The following PRKCH variants were observed in gnomAD, a reference collection of about 807,000 sequenced individuals.
The protein encoded by PRKCH is protein kinase C eta type.
In PRKCH, 28 loss-of-function variants were observed where a neutral mutation model predicts 82.5. The ratio of observed to expected loss-of-function variants is 0.34; its 90% confidence interval spans 0.25 to 0.47. The LOEUF (loss-of-function observed/expected upper bound fraction) is 0.47. PRKCH is among the 20% of genes least tolerant of loss of function. The pLI, the probability that PRKCH is intolerant of heterozygous loss-of-function variation, is 1.00. For synonymous variants in PRKCH, 322 were observed against 327.4 expected, an observed-to-expected ratio of 0.98 and a Z score of 0.18; for missense variants, 705 against 881.8, an observed-to-expected ratio of 0.80 and a Z score of 2.54.
intron 2 of PRKCH, among the ~76,000 whole-genome samples, chr14:61,407,742 A>G (rs147475063): frequency 2.0e-5 from 3 of 152,278 alleles, no homozygotes; most frequent in Non-Finnish European, 4.4e-5. Context: ...TACAGCCTTT[A>G]TAGAACCTTT....
chr14:61,265,160 C>T (rs894383503), intron 1 of PRKCH, among the ~76,000 whole-genome samples: 1 of 152,182 alleles, frequency 6.6e-6, no homozygotes, highest in East Asian at 1.9e-4. Flanking sequence ...TGAACCCTTG[C>T]AATTTTGACA....
chr14:61,433,618 C>T (rs886696566), intron 2 of PRKCH, among the ~76,000 whole-genome samples: 2 of 152,048 alleles, frequency 1.3e-5, no homozygotes, highest in Admixed American at 6.5e-5. Flanking sequence ...CCTGCTTTCA[C>T]GGGGATCATA....
intron 1 of PRKCH, among the ~76,000 whole-genome samples, chr14:61,258,713 A>T (rs139151673): frequency 2.2e-3 from 338 of 152,318 alleles, no homozygotes; most frequent in African/African-American, 7.3e-3. Context: ...TTGGACAAAT[A>T]TTATTATTAA....
At chr14:61,317,354 G>A (rs1363015540), upstream of PRKCH, among the ~76,000 whole-genome samples, 1 of 152,064 alleles carries the variant, frequency 6.6e-6, no homozygotes, top group Non-Finnish European at 1.5e-5. Flanking sequence ...ACCCTAACAG[G>A]CTTCCACTCA....
At chr14:61,355,000 T>C (rs530323390) in intron 1 of PRKCH, among the ~76,000 whole-genome samples, 1 of 152,348 alleles carries the variant, frequency 6.6e-6, no homozygotes, top group Non-Finnish European at 1.5e-5. Context: ...TGAATATGAT[T>C]CTTGCCTTGA....
At chr14:61,491,833 G>T (rs959414201) in intron 10 of PRKCH, among the ~76,000 whole-genome samples, 2 of 152,176 alleles carry the variant, frequency 1.3e-5, no homozygotes, top group Non-Finnish European at 2.9e-5. Context: ...AAAAATACTC[G>T]CCAGTGGAGG....
At chr14:61,250,758 G>C (rs897736503) in intron 1 of PRKCH, among the ~76,000 whole-genome samples, 1 of 152,080 alleles carries the variant, frequency 6.6e-6, no homozygotes, top group African/African-American at 2.4e-5. Flanking sequence ...TACCAATGTA[G>C]GTTCATCGAT....
Position 61,550,866 on chromosome 14 carries a change from G to T in PRKCH, c.*1035G>T, listed in dbSNP as rs1357704807. ...TGTTTGATATTCACTTTAATAATTA[G>T]AAATGGATCTTGTAAACAGGGCATA... is the stretch of plus-strand genomic sequence containing the variant. On this transcript the variant is annotated 3_prime_UTR_variant, in exon 14 of 14. Transcript: ENST00000332981. The T allele has an allele frequency of 1.3e-5, 2 of 152,168 alleles. No homozygotes were observed. The highest frequency in any genetic ancestry group is 2.9e-5 in the Non-Finnish European group (2 of 68,034). The allele number at this position is 152,168 out of a possible 1,614,324, so 9.4% of individuals were successfully genotyped here.
chr14:61,362,856 T>TGGATATTGGCACAGGGGATGC (rs2046247791), intron 1 of PRKCH, among the ~76,000 whole-genome samples: 1 of 152,194 alleles, frequency 6.6e-6, no homozygotes, highest in Non-Finnish European at 1.5e-5. Flanking sequence ...GAAGGGGATG[T>TGGATATTGGCACAGGGGATGC]GGACATTGGC....
At position 61,485,563 on chromosome 14, in the gene PRKCH, A is replaced by C. The variant is rs752292090; in HGVS notation, c.1340A>C (p.Lys447Thr). The change falls in exon 10 of 14, where the codon AAG becomes ACG. Residue 447 changes from lysine (K) to threonine (T), a missense_variant. Physicochemically the swap from Lys to Thr is moderately conservative, Grantham distance 78. This residue lies in a region of PRKCH where 238 missense variants were observed against 258.1 expected (regional missense o/e 0.92). Coordinates refer to ENST00000332981, the MANE Select transcript of PRKCH (RefSeq NM_006255.5). ...NGGDLMFHIQ[K>T]SRRFDEARAR... is the part of the protein sequence containing the mutation. ...GGTGACTTGATGTTCCACATTCAGA[A>C]GTCTCGTCGTTTTGATGAAGCACGA... The C allele has an allele frequency of 6.2e-7, 1 of 1,614,168 alleles. No homozygotes were observed. The highest frequency in any genetic ancestry group is 1.7e-5 in the Admixed American group (1 of 60,018).
At chr14:61,263,682 T>C (rs1388156972) in intron 1 of PRKCH, among the ~76,000 whole-genome samples, 1 of 151,028 alleles carries the variant, frequency 6.6e-6, no homozygotes, top group African/African-American at 2.4e-5. Context: ...TGTCTCCAGG[T>C]AGTGGAATAC....
intron 1 of PRKCH, among the ~76,000 whole-genome samples, chr14:61,245,406 C>G (rs1291340169): frequency 1.3e-5 from 2 of 152,168 alleles, no homozygotes; most frequent in African/African-American, 2.4e-5. Context: ...TACCTTGATG[C>G]AAATGCAGGA....
In PRKCH at chr14:61,294,713, T is replaced by C. The variant is rs2045392067; in HGVS notation, c.-19+107045T>C. Among the ~76,000 whole-genome samples the C allele has an allele frequency of 2.6e-5, 4 of 152,306 alleles. No individual in the cohort carries two copies. In the South Asian group the frequency reaches 8.3e-4, roughly 32 times the overall value. ...CCGAATAAAAAGTCATTGAATATTA[T>C]GCGTTTTTTATTCATTGTTGTTACA... On this transcript the variant is annotated intron_variant, in intron 1 of 3. Transcript: ENST00000555185.
chr14:61,442,138 G>A (rs762073469), intron 2 of PRKCH, among the ~76,000 whole-genome samples: 54 of 152,048 alleles, frequency 3.6e-4, no homozygotes, highest in Non-Finnish European at 6.9e-4. Context: ...AATGATTAAA[G>A]CATTATTGAG....
In PRKCH at chr14:61,210,238, C is replaced by T. The variant is rs562016714; in HGVS notation, c.-19+22570C>T. ...CTGAGGCAGGAGAACTGCTTGAACC[C>T]GGGAGGCGGAGGTTACAGTAAGCCG... On this transcript the variant is annotated intron_variant, in intron 1 of 3. Coordinates refer to the PRKCH transcript ENST00000555185. Among the ~76,000 whole-genome samples the T allele has an allele frequency of 1.2e-3, 175 of 149,136 alleles. 1 individual carries two copies. The highest frequency in any genetic ancestry group is 4.1e-3 in the African/African-American group (167 of 40,792).
chr14:61,322,261 G>C lies in PRKCH; in HGVS notation c.160G>C (p.Val54Leu), dbSNP rs188244458. 28 of 1,613,284 alleles carry C rather than the reference G, an allele frequency of 1.7e-5. No homozygotes were observed. The East Asian group carries it at 6.0e-4, about 35-fold the overall frequency. Reference sequence around the variant, plus strand: ...GACGGTGAGCGTGGACCAGGTGCGCGTGGGCCAGACCAGCACCAAGCAGAA... The same window carrying C: ...GACGGTGAGCGTGGACCAGGTGCGCCTGGGCCAGACCAGCACCAAGCAGAA... The part of the protein sequence containing the change: ...YLTVSVDQVR[V>L]GQTSTKQKTN... The change falls in exon 1 of 14, where the codon GTG becomes CTG. Residue 54 changes from valine (V) to leucine (L), a missense_variant. By Grantham distance (32) the Val-to-Leu change is conservative. Around this residue, in one of 5 missense-constraint regions of PRKCH, gnomAD observed 246 missense variants for 308.0 expected, o/e 0.80. Coordinates refer to ENST00000332981, the MANE Select transcript of PRKCH (RefSeq NM_006255.5).
At chr14:61,389,709 A>C (rs933412562) in intron 1 of PRKCH, among the ~76,000 whole-genome samples, 1 of 151,990 alleles carries the variant, frequency 6.6e-6, no homozygotes, top group Non-Finnish European at 1.5e-5. Context: ...AAAAAAAAAA[A>C]AAAAGAGAAA....
intron 1 of PRKCH, among the ~76,000 whole-genome samples, chr14:61,294,777 G>A (rs112924751): frequency 2.6e-5 from 4 of 151,138 alleles, no homozygotes; most frequent in African/African-American, 9.8e-5. Context: ...GGCCTGCAAG[G>A]AGATGCACCC....
chr14:61,243,922 A>G (rs2140068128), intron 1 of PRKCH, among the ~76,000 whole-genome samples: 1 of 149,716 alleles, frequency 6.7e-6, no homozygotes, highest in East Asian at 2.0e-4. Context: ...ACCAGCCTAG[A>G]CAAGATGGCA....
Sources: allele counts gnomAD v4.1 joint callset (sites outside exome capture counted in the v4.1 genomes callset), GRCh38; gene constraint gnomAD v4.1.1; regional missense constraint gnomAD v4.1.1; transcripts MANE v1.5; gene names NCBI Gene and HGNC (gene_info 2026-07-23, HGNC 2026-07-21).